The following NKAIN2 variants were observed in gnomAD, a reference collection of about 807,000 sequenced individuals.
NKAIN2 encodes the protein sodium/potassium-transporting ATPase subunit beta-1-interacting protein 2.
A neutral mutation model predicts 32.6 loss-of-function variants in NKAIN2; 14 were observed. The ratio of observed to expected loss-of-function variants is 0.43; its 90% CI spans 0.28 to 0.67. NKAIN2 has a LOEUF of 0.67. Ranked by LOEUF, NKAIN2 falls within the 30% of genes least tolerant of loss-of-function variation. The pLI, the probability that NKAIN2 is intolerant of heterozygous loss-of-function variation, is 0.17. For synonymous variants in NKAIN2, 80 were observed against 87.2 expected (o/e 0.92, Z 0.46); for missense variants, 198 against 258.3 (o/e 0.77, Z 1.60).
intron 3 of NKAIN2, among the ~76,000 whole-genome samples, chr6:124,369,410 C>T (rs1799657323): frequency 6.6e-6 from 1 of 152,036 alleles, no homozygotes; most frequent in Non-Finnish European, 1.5e-5. Flanking sequence ...AGAATTATTT[C>T]CTATTAAGTG....
At chr6:124,256,275 G>A (rs1793924610) in intron 1 of NKAIN2, among the ~76,000 whole-genome samples, 1 of 152,128 alleles carries the variant, frequency 6.6e-6, no homozygotes. Flanking sequence ...TTATGATGAA[G>A]GTGATTTTTC....
intron 1 of NKAIN2, among the ~76,000 whole-genome samples, chr6:124,268,612 AAAG>A (rs922540143): frequency 1.8e-4 from 27 of 152,188 alleles, no homozygotes; most frequent in Admixed American, 7.2e-4. Context: ...AATGCACTGA[AAAG>A]AAATGATATG....
chr6:124,549,171 C>A (rs994536968), intron 3 of NKAIN2, among the ~76,000 whole-genome samples: 1 of 152,020 alleles, frequency 6.6e-6, no homozygotes, highest in Non-Finnish European at 1.5e-5. Flanking sequence ...TCAAGGCCAG[C>A]CTGACCAACA....
intron 1 of NKAIN2, among the ~76,000 whole-genome samples, chr6:124,033,615 A>T (rs1781492095): frequency 6.6e-6 from 1 of 152,100 alleles, no homozygotes; most frequent in Non-Finnish European, 1.5e-5. Flanking sequence ...TTGATGGACG[A>T]TTTCATTCTC....
At chr6:124,337,935 C>T (rs1797948903) in intron 2 of NKAIN2, among the ~76,000 whole-genome samples, 1 of 152,134 alleles carries the variant, frequency 6.6e-6, no homozygotes, top group Non-Finnish European at 1.5e-5. Context: ...CTGCTGCAAG[C>T]TATCTTTTTT....
intron 1 of NKAIN2, among the ~76,000 whole-genome samples, chr6:123,967,214 G>T (rs1227682173): frequency 6.6e-6 from 1 of 152,124 alleles, no homozygotes; most frequent in Non-Finnish European, 1.5e-5. Flanking sequence ...GGCTTTATCA[G>T]AAATACATTT....
At chr6:124,626,653 C>CTAT (rs1221608109) in intron 3 of NKAIN2, among the ~76,000 whole-genome samples, 2 of 152,128 alleles carry the variant, frequency 1.3e-5, no homozygotes, top group Non-Finnish European at 2.9e-5. Context: ...AAGCCGCCCT[C>CTAT]TATTATTCTG....
At chr6:123,987,077 T>G (rs1779172173) in intron 1 of NKAIN2, among the ~76,000 whole-genome samples, 1 of 152,182 alleles carries the variant, frequency 6.6e-6, no homozygotes, top group Non-Finnish European at 1.5e-5. Flanking sequence ...TACGAAGTTG[T>G]GAAAGTTAAA....
chr6:123,850,412 A>C (rs1056818756), intron 1 of NKAIN2, among the ~76,000 whole-genome samples: 2 of 151,234 alleles, frequency 1.3e-5, no homozygotes, highest in Non-Finnish European at 2.9e-5. Context: ...CCTCCAAGCT[A>C]AGGGCTACTG....
intron 3 of NKAIN2, among the ~76,000 whole-genome samples, chr6:124,397,302 ATAAT>A (rs1207566565): frequency 6.6e-6 from 1 of 152,082 alleles, no homozygotes; most frequent in African/African-American, 2.4e-5. Flanking sequence ...GTAATTTCTG[ATAAT>A]TATTTACTTT....
At chr6:124,110,449 T>C (rs669640) in intron 1 of NKAIN2, among the ~76,000 whole-genome samples, 103,276 of 151,534 alleles carry the variant, frequency 0.68, 35,440 homozygotes, top group African/African-American at 0.74. Flanking sequence ...GTACGGATTT[T>C]TTGCATGGGT....
intron 3 of NKAIN2, among the ~76,000 whole-genome samples, chr6:124,409,448 T>A (rs141767141): frequency 0.066 from 10,073 of 152,200 alleles, 984 homozygotes; most frequent in African/African-American, 0.21. Context: ...TCTATTGAGA[T>A]AATCATGTGG....
chr6:124,564,988 C>A (rs144883777), intron 3 of NKAIN2, among the ~76,000 whole-genome samples: 331 of 151,986 alleles, frequency 2.2e-3, no homozygotes, highest in African/African-American at 7.3e-3. Flanking sequence ...TTTCACATTT[C>A]ACCACTCAGT....
intron 4 of NKAIN2, among the ~76,000 whole-genome samples, chr6:124,693,487 G>C (rs1484113585): frequency 6.6e-6 from 1 of 152,184 alleles, no homozygotes; most frequent in Non-Finnish European, 1.5e-5. Context: ...AGGTTGGAGA[G>C]AGGCATTTAA....
At chr6:123,834,069 T>C (rs1161075939) in intron 1 of NKAIN2, among the ~76,000 whole-genome samples, 1 of 151,882 alleles carries the variant, frequency 6.6e-6, no homozygotes, top group Non-Finnish European at 1.5e-5. Flanking sequence ...TCATAGCTGG[T>C]ATGTAAGAAG....
intron 5 of NKAIN2, among the ~76,000 whole-genome samples, chr6:124,805,600 G>A (rs1780508882): frequency 6.6e-6 from 1 of 152,194 alleles, no homozygotes; most frequent in Non-Finnish European, 1.5e-5. Context: ...CTCCTCCAAA[G>A]GATCGCAGTT....
At chr6:124,341,118 G>A (rs1190195699) in intron 2 of NKAIN2, among the ~76,000 whole-genome samples, 2 of 151,996 alleles carry the variant, frequency 1.3e-5, no homozygotes, top group Admixed American at 1.3e-4. Flanking sequence ...ATATTTTCAG[G>A]CATGATTTCC....
chr6:124,230,955 G>C (rs1384121781), intron 1 of NKAIN2, among the ~76,000 whole-genome samples: 1 of 152,192 alleles, frequency 6.6e-6, no homozygotes, highest in Admixed American at 6.5e-5. Flanking sequence ...CACAATGGTA[G>C]ATCCACTGGC....
chr6:124,801,892 G>T (rs748358812), intron 5 of NKAIN2, among the ~76,000 whole-genome samples: 25 of 152,140 alleles, frequency 1.6e-4, no homozygotes, highest in Non-Finnish European at 2.8e-4. Context: ...CTACTTTTCG[G>T]ATCCATATTG....
Sources: gnomAD v4.1 joint callset for allele counts (sites outside exome capture counted in the v4.1 genomes callset) on GRCh38, gnomAD v4.1.1 for gene constraint, MANE v1.5 for transcripts, NCBI Gene and HGNC (gene_info 2026-07-23, HGNC 2026-07-21) for gene names.